FOXK2: variants seen among roughly 807,000 people sequenced by gnomAD.
FOXK2 encodes forkhead box protein K2.
In FOXK2, 24 loss-of-function variants were observed where a neutral mutation model predicts 53.3. The ratio of observed to expected loss-of-function variants is 0.45; its 90% CI spans 0.33 to 0.63. The LOEUF (loss-of-function observed/expected upper bound fraction) is 0.63, where lower values mean the gene tolerates loss of function less well. FOXK2 is among the 30% of genes least tolerant of loss of function. The pLI, the probability that FOXK2 is intolerant of heterozygous loss-of-function variation, is 0.03. For synonymous variants in FOXK2, 505 were observed against 407.1 expected, an observed-to-expected ratio of 1.24 and a Z score of -2.89; for missense variants, 952 against 910.5, an observed-to-expected ratio of 1.05 and a Z score of -0.59.
intron 1 of FOXK2, among the ~76,000 whole-genome samples, chr17:82,526,419 G>C (rs183337958): frequency 6.6e-6 from 1 of 152,168 alleles, no homozygotes; most frequent in Admixed American, 6.6e-5. Context: ...AGGAAGGAGT[G>C]GAGGTAGAAG....
intron 2 of FOXK2, among the ~76,000 whole-genome samples, chr17:82,565,905 G>A (rs1049378145): frequency 5.9e-5 from 9 of 152,176 alleles, no homozygotes; most frequent in Non-Finnish European, 1.0e-4. Flanking sequence ...AGATACAATG[G>A]AATATTATTC....
At chr17:82,585,271 G>C (rs1483559107) in intron 6 of FOXK2, 1 of 152,086 alleles carries the variant, frequency 6.6e-6, no homozygotes. Context: ...GTTGATCCTA[G>C]GTGAGTGTGG....
At chr17:82,558,458 T>A (rs141355790) in intron 1 of FOXK2, among the ~76,000 whole-genome samples, 100 of 152,324 alleles carry the variant, frequency 6.6e-4, no homozygotes, top group African/African-American at 2.0e-3. Flanking sequence ...TACGGAGAAG[T>A]ACGAGCTCAC....
At chr17:82,551,588 G>A (rs2044677758) in intron 1 of FOXK2, among the ~76,000 whole-genome samples, 1 of 152,044 alleles carries the variant, frequency 6.6e-6, no homozygotes, top group Non-Finnish European at 1.5e-5. Context: ...AACTGAGGCA[G>A]GAGACTCACT....
intron 3 of FOXK2, among the ~76,000 whole-genome samples, chr17:82,570,790 C>G (rs1393916898): frequency 6.6e-6 from 1 of 152,194 alleles, no homozygotes; most frequent in Non-Finnish European, 1.5e-5. Flanking sequence ...ATTCCCTTTC[C>G]CAGTGGGCTC....
At chr17:82,581,925 G>T (rs970768154) in intron 4 of FOXK2, among the ~76,000 whole-genome samples, 3 of 152,132 alleles carry the variant, frequency 2.0e-5, no homozygotes, top group Admixed American at 1.3e-4. Context: ...AATTTTTCCT[G>T]TGTACGTTAC....
Position 82,576,530 on chromosome 17 carries a change from A to G in FOXK2, c.909+4660A>G, listed in dbSNP as rs79780560. On this transcript the variant is annotated intron_variant, in intron 4 of 8. Transcript: ENST00000335255. ...ACAAAACAGAGTCAGTCTTTTTCCA[A>G]GATGTATTCTGTCATCATGAGCTGA... 1,541 of 634,002 alleles carry G rather than the reference A, an allele frequency of 2.4e-3. 3 individuals are homozygous for G. Among genetic ancestry groups the G allele is most frequent in the Non-Finnish European group, 3.4e-3 (1,253 of 366,810 alleles). 39.3% of individuals were successfully genotyped at this position (634,002 alleles called of 1,614,324 possible).
At chr17:82,536,258 C>A (rs1404718381) in intron 1 of FOXK2, among the ~76,000 whole-genome samples, 1 of 152,176 alleles carries the variant, frequency 6.6e-6, no homozygotes, top group Admixed American at 6.5e-5. Flanking sequence ...ATCTGGCCTT[C>A]CCCAGAATAG....
intron 8 of FOXK2, among the ~76,000 whole-genome samples, chr17:82,591,047 C>G (rs1313559549): frequency 6.6e-6 from 1 of 152,164 alleles, no homozygotes; most frequent in South Asian, 2.1e-4. Context: ...CTGCGTGTGT[C>G]GTGAAGACAG....
Position 82,582,851 on chromosome 17 carries a change from C to T in FOXK2, c.1020C>T (p.Ser340=). The part of the protein sequence containing the change: ...SFWRIDPASE[S]KLIEQAFRKR... Reference sequence around the variant, plus strand: ...GGAGGATAGACCCAGCCTCTGAAAGCAAATTAATAGAACAGGCTTTTAGGA... The same window carrying T: ...GGAGGATAGACCCAGCCTCTGAAAGTAAATTAATAGAACAGGCTTTTAGGA... Residue 340 remains serine, a synonymous_variant, in exon 5 of 9, where the codon AGC becomes AGT. Coordinates refer to ENST00000335255, the MANE Select transcript of FOXK2 (RefSeq NM_004514.4). 1 of 1,613,552 alleles carries T rather than the reference C, an allele frequency of 6.2e-7. No homozygotes were observed. Among genetic ancestry groups the T allele is most frequent in the Non-Finnish European group, 8.5e-7 (1 of 1,179,914 alleles).
chr17:82,571,731 C>T lies in FOXK2; in HGVS notation c.770C>T (p.Ser257Leu), dbSNP rs775903083. 6.5e-7 allele frequency: 1 copy of T among 1,539,166 alleles called. No individual in the cohort carries two copies. The highest frequency in any genetic ancestry group is 8.7e-7 in the Non-Finnish European group (1 of 1,148,496). ...ASGGDSPKDD[S>L]KPPYSYAQLI... The stretch of plus-strand genomic sequence containing the variant: ...TTTGTTTTTTAAATACAGGATGATT[C>T]AAAGCCGCCTTACTCCTACGCGCAG... The change falls in exon 4 of 9, where the codon TCA becomes TTA. Residue 257 changes from serine to leucine, a missense_variant. Physicochemically the swap from Ser to Leu is moderately radical, Grantham distance 145. This residue lies in a region of FOXK2 where 160 missense variants were observed against 214.2 expected (regional missense o/e 0.75). Coordinates refer to ENST00000335255, the MANE Select transcript of FOXK2 (RefSeq NM_004514.4).
chr17:82,538,504 C>G (rs1462388555), intron 1 of FOXK2, among the ~76,000 whole-genome samples: 1 of 152,186 alleles, frequency 6.6e-6, no homozygotes, highest in South Asian at 2.1e-4. Flanking sequence ...CAACATTAAG[C>G]TCATTTTGTC....
intron 1 of FOXK2, among the ~76,000 whole-genome samples, chr17:82,548,845 T>C (rs1316278032): frequency 6.6e-6 from 1 of 152,044 alleles, no homozygotes; most frequent in Non-Finnish European, 1.5e-5. Context: ...GGGTGTGGGG[T>C]AGAATGATCT....
intron 4 of FOXK2, among the ~76,000 whole-genome samples, chr17:82,581,759 G>A (rs1253731482): frequency 6.6e-6 from 1 of 152,178 alleles, no homozygotes; most frequent in Admixed American, 6.5e-5. Context: ...ACAGGCGTGA[G>A]CCACCATGCC....
intron 8 of FOXK2, among the ~76,000 whole-genome samples, chr17:82,597,974 C>G (rs58717680): frequency 0.14 from 21,862 of 152,156 alleles, 1,728 homozygotes; most frequent in Middle Eastern, 0.24. Flanking sequence ...CACTCCAGGC[C>G]TCTCACTACT....
intron 1 of FOXK2, among the ~76,000 whole-genome samples, chr17:82,554,447 A>G (rs2044704321): frequency 1.3e-5 from 2 of 152,206 alleles, no homozygotes; most frequent in Admixed American, 1.3e-4. Context: ...AGAAACTAGA[A>G]CAGGAGAATG....
At chr17:82,554,064 G>C (rs2044701241) in intron 1 of FOXK2, among the ~76,000 whole-genome samples, 1 of 152,024 alleles carries the variant, frequency 6.6e-6, no homozygotes, top group South Asian at 2.1e-4. Flanking sequence ...GAACTCCTGA[G>C]CTTGTGATCC....
intron 1 of FOXK2, among the ~76,000 whole-genome samples, chr17:82,553,654 C>T (rs894253200): frequency 6.6e-6 from 1 of 152,220 alleles, no homozygotes; most frequent in Admixed American, 6.5e-5. Flanking sequence ...ACAGGCGTGG[C>T]TGCGAAGAGG....
chr17:82,558,549 G>A (rs1395269527), intron 1 of FOXK2, among the ~76,000 whole-genome samples: 1 of 152,208 alleles, frequency 6.6e-6, no homozygotes. Flanking sequence ...TCATTCCAGG[G>A]CTACTGCCCC....
Sources: allele counts gnomAD v4.1 joint callset (sites outside exome capture counted in the v4.1 genomes callset), GRCh38; gene constraint gnomAD v4.1.1; regional missense constraint gnomAD v4.1.1; transcripts MANE v1.5; gene names NCBI Gene and HGNC (gene_info 2026-07-23, HGNC 2026-07-21).